Variants in PRKDC observed in about 807,000 individuals in gnomAD.
The protein encoded by PRKDC is protein kinase, DNA-activated, catalytic subunit.
In PRKDC, 82 loss-of-function variants were observed where a neutral mutation model predicts 486.9. The observed-to-expected ratio is 0.17, with a 90% CI of 0.14 to 0.20. PRKDC has a LOEUF of 0.20. Among genes scored for constraint, PRKDC ranks in the 10% least tolerant of loss-of-function variants. The probability of loss-of-function intolerance (pLI) is 1.00; values close to 1 mark genes in which losing one functional copy is unlikely to be tolerated. For synonymous variants in PRKDC, 1,895 were observed against 1,837.0 expected (o/e 1.03, Z -0.81); for missense variants, 4,504 against 5,038.2 (o/e 0.89, Z 3.21).
intron 52 of PRKDC, among the ~76,000 whole-genome samples, chr8:47,850,448 T>C (rs1191877137): frequency 1.3e-5 from 2 of 152,130 alleles, no homozygotes; most frequent in South Asian, 2.1e-4. Context: ...GAAACTATCA[T>C]GAAAATATTG....
chr8:47,777,705 T>G lies in PRKDC; in HGVS notation c.12023A>C (p.Glu4008Ala). 6.3e-7 allele frequency: 1 copy of G among 1,591,868 alleles called. No homozygotes were observed. The highest frequency in any genetic ancestry group is 1.1e-5 in the South Asian group (1 of 88,764). The stretch of plus-strand genomic sequence containing the variant: ...ACCTACTTTCCAATCAAAGGAGGGC[T>G]CCTTGACAAACACATCCATGGTGTT... ...LTNTMDVFVK[E>A]PSFDWKNFEQ... The change falls in exon 84 of 86, where the codon GAG (glutamate) becomes GCG (alanine). Residue 4008 changes from glutamate (E) to alanine (A), a missense_variant. Glu to Ala is a moderately radical substitution (Grantham distance 107, BLOSUM62 -1). Coordinates refer to ENST00000314191, the MANE Select transcript of PRKDC (RefSeq NM_006904.7).
chr8:47,879,340 A>C, intron 39 of PRKDC, 151 bp downstream of exon 39: 1 of 680,480 alleles, frequency 1.5e-6, no homozygotes, highest in South Asian at 2.3e-5. Flanking sequence ...GTACTGTACA[A>C]GCTTTGTGTA....
chr8:47,893,062 T>A, intron 31 of PRKDC, 77 bp downstream of exon 31: 1 of 1,448,560 alleles, frequency 6.9e-7, no homozygotes, highest in South Asian at 1.6e-5. Flanking sequence ...GTCGCTGGGA[T>A]TCTGACCTGG....
intron 22 of PRKDC, among the ~76,000 whole-genome samples, chr8:47,915,691 TAA>T (rs2089972810): frequency 6.6e-6 from 1 of 152,236 alleles, no homozygotes; most frequent in Non-Finnish European, 1.5e-5. Flanking sequence ...TTACATGTTA[TAA>T]AAAGTAACTA....
At chr8:47,797,100 C>G (rs1035511240) in intron 73 of PRKDC, among the ~76,000 whole-genome samples, 3 of 152,074 alleles carry the variant, frequency 2.0e-5, no homozygotes, top group Non-Finnish European at 2.9e-5. Flanking sequence ...TATGGGCAAG[C>G]TTCCTGAGTG....
rs762826320 is a variant in PRKDC, at chr8:47,955,966, A to T, written c.325-18T>A. 1 of 1,519,870 alleles carries T rather than the reference A, an allele frequency of 6.6e-7. No homozygotes were observed. Among genetic ancestry groups the T allele is most frequent in the East Asian group, 2.3e-5 (1 of 44,270 alleles). The allele number at this position is 1,519,870 out of a possible 1,614,324, so 94.1% of individuals were successfully genotyped here. A position where few individuals can be genotyped will look rare whatever the true frequency, so the allele number is the denominator to read the frequency against. On this transcript the variant is annotated intron_variant, in intron 3 of 85. Transcript: ENST00000314191. Reference sequence around the variant, plus strand: ...CAAGTGTTCTAGGTTTTAAAAAAAAAATAACCAAAATCATCAATAAGATAT... The same window carrying T: ...CAAGTGTTCTAGGTTTTAAAAAAAATATAACCAAAATCATCAATAAGATAT...
At chr8:47,956,287 G>A (rs1237819367) in intron 3 of PRKDC, among the ~76,000 whole-genome samples, 2 of 152,096 alleles carry the variant, frequency 1.3e-5, no homozygotes, top group Non-Finnish European at 2.9e-5. Flanking sequence ...GCTTGAACCC[G>A]GGAGACGGAG....
chr8:47,936,614 T>A, intron 11 of PRKDC, 97 bp from the exon 12 acceptor site: 2 of 1,400,284 alleles, frequency 1.4e-6, no homozygotes, highest in Non-Finnish European at 1.9e-6. Context: ...AAACACAAGT[T>A]TAACAAGGCT....
At chr8:47,796,588 A>ATTT (rs869195900) in intron 73 of PRKDC, among the ~76,000 whole-genome samples, 1 of 139,660 alleles carries the variant, frequency 7.2e-6, no homozygotes, top group Non-Finnish European at 1.6e-5. Flanking sequence ...GTTTTTCTTC[A>ATTT]TTTTTTTTTT....
chr8:47,948,130 TTATATATA>T (rs2090567253), intron 7 of PRKDC, among the ~76,000 whole-genome samples: 1 of 145,468 alleles, frequency 6.9e-6, no homozygotes, highest in Admixed American at 7.3e-5. Flanking sequence ...ACACACGCGT[TTATATATA>T]TGTATATATA....
Position 47,888,604 on chromosome 8 carries a change from C to G in PRKDC, c.4327G>C (p.Val1443Leu). The change falls in exon 34 of 86, where the codon GTG (valine) becomes CTG (leucine). Residue 1443 changes from valine to leucine, a missense_variant. Transcript: ENST00000314191. ...ACAGCAGCCAGCCTGCTCCTGTCCA[C>G]TTGCGCGTCAGGGCCATACAAGTTG... ...AVNLYGPDAQ[V>L]DRSRLAAVVS... 1.3e-6 allele frequency: 2 copies of G among 1,593,858 alleles called. No individual in the cohort carries two copies. Among genetic ancestry groups the G allele is most frequent in the Admixed American group, 1.7e-5 (1 of 57,164 alleles).
At chr8:47,795,203 T>C (rs1209636522) in intron 73 of PRKDC, among the ~76,000 whole-genome samples, 1 of 148,398 alleles carries the variant, frequency 6.7e-6, no homozygotes, top group Non-Finnish European at 1.5e-5. Context: ...TTTTTTTTTT[T>C]TTTCTTGAGA....
At chr8:47,813,423 T>C (rs2087376842) in intron 68 of PRKDC, among the ~76,000 whole-genome samples, 1 of 151,530 alleles carries the variant, frequency 6.6e-6, no homozygotes, top group Admixed American at 6.6e-5. Context: ...CAGCCAGAAA[T>C]AGAAAGTTTA....
rs2089949698 is a variant in PRKDC at position 47,914,012 on chromosome 8, C to T, written c.2670G>A (p.Lys890=). 1.2e-6 allele frequency: 2 copies of T among 1,600,192 alleles called. No individual in the cohort carries two copies. The highest frequency in any genetic ancestry group is 1.3e-5 in the African/African-American group (1 of 74,500). Residue 890 remains lysine, a synonymous_variant, in exon 24 of 86, where the codon AAG becomes AAA. Transcript: ENST00000314191. ...TAAAGGGCACTGCAAAGCTCAGCCG[C>T]TTCTCTCTGTCCCAGGCCACATAGC... is the stretch of plus-strand genomic sequence containing the variant. ...MKSYVAWDRE[K]RLSFAVPFRE...
chr8:47,797,862 C>G (rs1338648173), intron 73 of PRKDC, among the ~76,000 whole-genome samples: 1 of 152,236 alleles, frequency 6.6e-6, no homozygotes, highest in Non-Finnish European at 1.5e-5. Flanking sequence ...CAAGCTGAAC[C>G]TTGCTCACTC....
chr8:47,824,957 A>G (rs1245077071), intron 63 of PRKDC, among the ~76,000 whole-genome samples: 1 of 152,138 alleles, frequency 6.6e-6, no homozygotes, highest in African/African-American at 2.4e-5. Flanking sequence ...AGAGCCCTAC[A>G]GGTTCTCTCC....
chr8:47,830,298 A>G (rs186314037), intron 61 of PRKDC, among the ~76,000 whole-genome samples: 8 of 152,350 alleles, frequency 5.3e-5, no homozygotes, highest in Non-Finnish European at 1.5e-5. Context: ...AGTGCTAGGT[A>G]CAAATTCCTT....
chr8:47,914,788 G>A (rs976497280), intron 23 of PRKDC, among the ~76,000 whole-genome samples: 9 of 134,522 alleles, frequency 6.7e-5, no homozygotes, highest in African/African-American at 1.7e-4. Context: ...GCAACAGAGC[G>A]AGGGGAAAAA....
chr8:47,951,772 A>G (rs2090629269), intron 7 of PRKDC, among the ~76,000 whole-genome samples: 1 of 152,216 alleles, frequency 6.6e-6, no homozygotes, highest in South Asian at 2.1e-4. Context: ...ACAAAAAGTC[A>G]AACAAACCAA....
Sources: gnomAD v4.1 joint callset for allele counts (sites outside exome capture counted in the v4.1 genomes callset) on GRCh38, gnomAD v4.1.1 for gene constraint, MANE v1.5 for transcripts, NCBI Gene and HGNC (gene_info 2026-07-23, HGNC 2026-07-21) for gene names.